BSN: variants seen among roughly 807,000 people sequenced by gnomAD.
The protein encoded by BSN is bassoon presynaptic cytomatrix protein, also known as protein bassoon.
Under a neutral mutation model 264.8 loss-of-function variants are expected in BSN, and 57 were observed. The ratio of observed to expected loss-of-function variants is 0.22; its 90% CI spans 0.17 to 0.27. The LOEUF is 0.27. Among genes scored for constraint, BSN ranks in the 10% least tolerant of loss-of-function variants. The pLI is 1.00. For missense variants in BSN, 4,615 were observed against 5,232.5 expected (o/e 0.88, Z 3.64); for synonymous variants, 2,059 against 2,137.3 (o/e 0.96, Z 1.01).
intron 1 of BSN, among the ~76,000 whole-genome samples, chr3:49,579,726 C>T (rs988875691): frequency 2.0e-5 from 3 of 150,284 alleles, no homozygotes; most frequent in Non-Finnish European, 3.0e-5. Flanking sequence ...TGGCTAGATG[C>T]GCTTTAAAAA....
chr3:49,652,353 A>T lies in BSN; in HGVS notation c.2797A>T (p.Thr933Ser). The change falls in exon 5 of 12, where the codon ACC (threonine) becomes TCC (serine). Residue 933 changes from threonine (T) to serine (S), a missense_variant. By Grantham distance (58) the Thr-to-Ser change is moderately conservative. This residue lies in a region of BSN where 1,197 missense variants were observed against 1,348.0 expected (regional missense o/e 0.89). Coordinates refer to ENST00000296452, the MANE Select transcript of BSN (RefSeq NM_003458.4). ...TLQGGLRRFK[T>S]IELNSTGSYG... ...GCAGGGTGGGCTCCGTCGCTTCAAG[A>T]CCATTGAGCTCAACAGCACGGGAAG... The T allele has an allele frequency of 6.2e-7, 1 of 1,605,760 alleles. No individual in the cohort carries two copies. The highest frequency in any genetic ancestry group is 8.5e-7 in the Non-Finnish European group (1 of 1,175,724).
At chr3:49,577,777 T>A (rs1482968324) in intron 1 of BSN, among the ~76,000 whole-genome samples, 1 of 151,982 alleles carries the variant, frequency 6.6e-6, no homozygotes, top group Non-Finnish European at 1.5e-5. Context: ...TCACCTCAAG[T>A]AATCCACCCG....
At chr3:49,592,270 T>TG (rs1323122837) in intron 1 of BSN, among the ~76,000 whole-genome samples, 1 of 151,296 alleles carries the variant, frequency 6.6e-6, no homozygotes, top group African/African-American at 2.4e-5. Flanking sequence ...CCACCATGCT[T>TG]GGCTGATTTT....
chr3:49,600,994 C>T (rs924923442), intron 1 of BSN, among the ~76,000 whole-genome samples: 2 of 152,132 alleles, frequency 1.3e-5, no homozygotes, highest in Admixed American at 1.3e-4. Context: ...GTGACTGAGA[C>T]AGAAGAATGG....
intron 1 of BSN, among the ~76,000 whole-genome samples, chr3:49,576,834 A>G (rs2051848151): frequency 6.6e-6 from 1 of 152,210 alleles, no homozygotes; most frequent in Admixed American, 6.5e-5. Context: ...CCATTGCAGC[A>G]TGAGTAGTCA....
chr3:49,615,272 G>A (rs879641115), intron 1 of BSN, among the ~76,000 whole-genome samples: 13 of 152,180 alleles, frequency 8.5e-5, no homozygotes, highest in Non-Finnish European at 1.8e-4. Context: ...TAACACTGAT[G>A]GTTCCTTCAT....
Position 49,662,443 on chromosome 3 carries a change from C to T in BSN, c.10598C>T (p.Ser3533Phe), listed in dbSNP as rs570131321. The change falls in exon 6 of 12, where the codon TCC (serine) becomes TTC (phenylalanine). Residue 3533 changes from serine (S) to phenylalanine (F), a missense_variant. Around this residue, in one of 3 missense-constraint regions of BSN, gnomAD observed 3,415 missense variants for 3,866.4 expected, o/e 0.88. Transcript: ENST00000296452. The stretch of plus-strand genomic sequence containing the variant: ...GGGGATACCTGCCCACAGTTCTGCT[C>T]CAGCCACTCCATGCCTGATGTCCAG... ...PGGDTCPQFC[S>F]SHSMPDVQEH... 1 of 1,613,694 alleles carries T rather than the reference C, an allele frequency of 6.2e-7. No homozygotes were observed. The highest frequency in any genetic ancestry group is 8.5e-7 in the Non-Finnish European group (1 of 1,180,036).
At chr3:49,626,468 T>C (rs1296780388) in intron 2 of BSN, among the ~76,000 whole-genome samples, 1 of 152,126 alleles carries the variant, frequency 6.6e-6, no homozygotes, top group Non-Finnish European at 1.5e-5. Flanking sequence ...AGGAAGGAGC[T>C]GTCGGTGTGG....
At chr3:49,607,864 G>T (rs1172016632) in intron 1 of BSN, among the ~76,000 whole-genome samples, 1 of 152,232 alleles carries the variant, frequency 6.6e-6, no homozygotes. Context: ...GTCAAGGGTG[G>T]GTCCAGCCAC....
At position 49,668,837 on chromosome 3, in the gene BSN, C is replaced by T. The variant is rs1470838909; in HGVS notation, c.*1352C>T. On this transcript the variant is annotated 3_prime_UTR_variant, in exon 12 of 12. Transcript: ENST00000296452. ...GCACAGCCACAAGTCTCATCTCTAA[C>T]GTTCTATGCAATGAAATATAAACCC... 7 of 152,654 alleles carry T rather than the reference C, an allele frequency of 4.6e-5. No individual in the cohort carries two copies. Among genetic ancestry groups the T allele is most frequent in the East Asian group, 3.8e-4 (2 of 5,204 alleles). The allele number at this position is 152,654 out of a possible 1,614,324, so 9.5% of individuals were successfully genotyped here.
chr3:49,652,115 G>T lies in BSN; in HGVS notation c.2559G>T (p.Glu853Asp), dbSNP rs2052546431. 6.2e-7 allele frequency: 1 copy of T among 1,613,230 alleles called. No individual in the cohort carries two copies. Among genetic ancestry groups the T allele is most frequent in the African/African-American group, 1.3e-5 (1 of 74,924 alleles). The change falls in exon 5 of 12, where the codon GAG (glutamate) becomes GAT (aspartate). Residue 853 changes from glutamate to aspartate, a missense_variant. Coordinates refer to ENST00000296452, the MANE Select transcript of BSN (RefSeq NM_003458.4). Reference sequence around the variant, plus strand: ...GGCAGATTCTCGAGATGAGCGCCGAGGAAGACAACCTGGAGGAGGATGACA... The same window carrying T: ...GGCAGATTCTCGAGATGAGCGCCGATGAAGACAACCTGGAGGAGGATGACA... Reference protein sequence around the residue: ...MRRQILEMSAEEDNLEEDDTA... With the variant: ...MRRQILEMSADEDNLEEDDTA...
intron 2 of BSN, among the ~76,000 whole-genome samples, chr3:49,632,383 A>G (rs757771473): frequency 5.9e-5 from 9 of 152,242 alleles, no homozygotes; most frequent in Non-Finnish European, 8.8e-5. Flanking sequence ...AACAGAGTAA[A>G]AAGGCAACCC....
chr3:49,639,155 T>C (rs1393268906), intron 2 of BSN, among the ~76,000 whole-genome samples: 2 of 152,068 alleles, frequency 1.3e-5, no homozygotes, highest in African/African-American at 2.4e-5. Context: ...TGGCTTTCTC[T>C]ACCCAAACAT....
chr3:49,651,394 G>A lies in BSN; in HGVS notation c.1987-149G>A, dbSNP rs143694280. 3.5e-4 allele frequency: 308 copies of A among 873,706 alleles called. 4 individuals are homozygous for A. In the East Asian group the frequency reaches 4.1e-3, roughly 12 times the overall value. 54.1% of individuals were successfully genotyped at this position (873,706 alleles called of 1,614,324 possible). On this transcript the variant is annotated intron_variant, in intron 4 of 11. Transcript: ENST00000296452. This position sits in a 1 kb window ranked among gnomAD's most constrained non-coding sequence, Gnocchi z 5.4. ...CCATGGAACCTTCAGGTTATTCAAG[G>A]CCAGAAGGAGATAGGGTGGGTGGCG... is the stretch of plus-strand genomic sequence containing the variant.
Position 49,655,206 on chromosome 3 carries a change from G to A in BSN, c.5650G>A (p.Ala1884Thr). The change falls in exon 5 of 12, where the codon GCG becomes ACG. Residue 1884 changes from alanine to threonine, a missense_variant. Around this residue, in one of 3 missense-constraint regions of BSN, gnomAD observed 3,415 missense variants for 3,866.4 expected, o/e 0.88. Transcript: ENST00000296452. ...GACCACACTGCTCCCAGAGGAGCCTGCGGGTGCCCTGGACCTTACCGGGAT... is the reference window on the plus strand; with the variant it reads ...GACCACACTGCTCCCAGAGGAGCCTACGGGTGCCCTGGACCTTACCGGGAT... Reference protein sequence around the residue: ...TVTTLLPEEPAGALDLTGMRP... With the variant: ...TVTTLLPEEPTGALDLTGMRP... The A allele has an allele frequency of 1.2e-6, 2 of 1,613,004 alleles. No individual in the cohort carries two copies. Among genetic ancestry groups the A allele is most frequent in the Non-Finnish European group, 1.7e-6 (2 of 1,179,902 alleles).
At chr3:49,624,862 C>A in intron 1 of BSN, 113 bp from the exon 2 acceptor site, 1 of 980,568 alleles carries the variant, frequency 1.0e-6, no homozygotes, top group Non-Finnish European at 1.5e-6. Flanking sequence ...TTCTTCTGGG[C>A]AGGAGGAAGA....
chr3:49,657,142 G>C lies in BSN; in HGVS notation c.7586G>C (p.Arg2529Pro). The change falls in exon 5 of 12, where the codon CGG becomes CCG. Residue 2529 changes from arginine (R) to proline (P), a missense_variant. Physicochemically the swap from Arg to Pro is moderately radical, Grantham distance 103 (BLOSUM62 -2). Transcript: ENST00000296452. Reference protein sequence around the residue: ...LGQPREPVLHRGLPSSASDMS... With the variant: ...LGQPREPVLHPGLPSSASDMS... ...CAGCCTCGTGAGCCTGTGCTGCACCGGGGTCTCCCCAGCTCTGCCTCAGAC... is the reference window on the plus strand; with the variant it reads ...CAGCCTCGTGAGCCTGTGCTGCACCCGGGTCTCCCCAGCTCTGCCTCAGAC... 1 of 1,613,262 alleles carries C rather than the reference G, an allele frequency of 6.2e-7. No individual in the cohort carries two copies. Among genetic ancestry groups the C allele is most frequent in the Non-Finnish European group, 8.5e-7 (1 of 1,179,978 alleles).
chr3:49,592,726 G>T (rs1462898691), intron 1 of BSN, among the ~76,000 whole-genome samples: 1 of 151,112 alleles, frequency 6.6e-6, no homozygotes, highest in South Asian at 2.1e-4. Flanking sequence ...ACTCTGGCCC[G>T]GGTGACAGAG....
rs34408934 is a variant in BSN at position 49,663,489 on chromosome 3, G to C, written c.11331G>C (p.Gln3777His). The C allele has an allele frequency of 2.5e-6, 4 of 1,613,094 alleles. No homozygotes were observed. The African/African-American group carries it at 4.0e-5, about 16-fold the overall frequency. ...IPSGAASRQP[Q>H]TQQQQQGLGL... is the part of the protein sequence containing the mutation. ...CTGGGGCAGCATCACGCCAGCCACA[G>C]ACACAGCAGCAGCAGCAAGGTCTTG... Residue 3777 changes from glutamine (Q) to histidine (H), a missense_variant, in exon 7 of 12, where the codon CAG becomes CAC. Gln to His is a conservative substitution (Grantham distance 24, BLOSUM62 0). Transcript: ENST00000296452.
Sources: gnomAD v4.1 joint callset for allele counts (sites outside exome capture counted in the v4.1 genomes callset) on GRCh38, gnomAD v4.1.1 for gene constraint, gnomAD v4.1.1 regional missense constraint, Gnocchi (gnomAD v3.1) non-coding constraint, MANE v1.5 for transcripts, NCBI Gene and HGNC (gene_info 2026-07-23, HGNC 2026-07-21) for gene names.